The following BTBD9 variants were observed in gnomAD, a reference collection of about 807,000 sequenced individuals.
BTBD9 encodes BTB domain containing 9.
Under a neutral mutation model 64.3 loss-of-function variants are expected in BTBD9, and 49 were observed. That is an observed-to-expected ratio of 0.76 (90% CI 0.61 to 0.97). The LOEUF (loss-of-function observed/expected upper bound fraction) is 0.97, where lower values mean the gene tolerates loss of function less well. Among genes scored for constraint, BTBD9 ranks in the 50% least tolerant of loss-of-function variants. The pLI is 0.00. For missense variants in BTBD9, 598 were observed against 762.1 expected (o/e 0.78, Z 2.53); for synonymous variants, 260 against 274.7 (o/e 0.95, Z 0.53).
At position 38,391,912 on chromosome 6, in the gene BTBD9, T is replaced by C. The variant is rs145106053; in HGVS notation, c.1155-46819A>G. Among the ~76,000 whole-genome samples the C allele has an allele frequency of 4.5e-3, 685 of 152,342 alleles. 4 individuals carry two copies. Among genetic ancestry groups the C allele is most frequent in the African/African-American group, 0.016 (650 of 41,568 alleles). On this transcript the variant is annotated intron_variant, in intron 6 of 10. Transcript: ENST00000481247. ...AAAATCCACAAGAACTATTCATCAC[T>C]TGTGACACAGACCTGTTTTAACAGG...
At chr6:38,620,183 G>C (rs1777936392) in intron 1 of BTBD9, among the ~76,000 whole-genome samples, 1 of 152,212 alleles carries the variant, frequency 6.6e-6, no homozygotes, top group Non-Finnish European at 1.5e-5. Flanking sequence ...AATTCTAGGA[G>C]TACAAAAACC....
intron 6 of BTBD9, among the ~76,000 whole-genome samples, chr6:38,385,695 T>C (rs374153039): frequency 6.6e-6 from 1 of 152,116 alleles, no homozygotes; most frequent in Non-Finnish European, 1.5e-5. Flanking sequence ...GTAGATTGGC[T>C]AGATATCTTT....
intron 1 of BTBD9, among the ~76,000 whole-genome samples, chr6:38,615,294 C>T: frequency 6.6e-6 from 1 of 152,188 alleles, no homozygotes; most frequent in East Asian, 1.9e-4. Flanking sequence ...ACATTTCCAC[C>T]CTTACATGCC....
chr6:38,309,845 G>A (rs1762764367), intron 7 of BTBD9, among the ~76,000 whole-genome samples: 1 of 151,040 alleles, frequency 6.6e-6, no homozygotes, highest in Non-Finnish European at 1.5e-5. Flanking sequence ...TATAAAATTT[G>A]ATTTTTTCTA....
At chr6:38,222,731 G>A (rs73730910) in intron 9 of BTBD9, among the ~76,000 whole-genome samples, 2,334 of 152,154 alleles carry the variant, frequency 0.015, 66 homozygotes, top group African/African-American at 0.052. Context: ...GCCAGGGCAT[G>A]GGAACTATTT....
At chr6:38,490,539 C>T (rs1197762539) in intron 6 of BTBD9, among the ~76,000 whole-genome samples, 7 of 152,042 alleles carry the variant, frequency 4.6e-5, no homozygotes, top group African/African-American at 1.2e-4. Flanking sequence ...AGGCTGATCT[C>T]GAACTCCTGA....
At chr6:38,303,928 T>C (rs1046407175) in intron 7 of BTBD9, among the ~76,000 whole-genome samples, 6 of 138,912 alleles carry the variant, frequency 4.3e-5, no homozygotes, top group Admixed American at 2.2e-4. Flanking sequence ...TATATATATA[T>C]ACACGTGTGT....
rs1196000253 is a variant in BTBD9 at position 38,368,249 on chromosome 6, CT to C, written c.1155-23157del. Among the ~76,000 whole-genome samples the C allele has an allele frequency of 5.3e-5, 8 of 152,098 alleles. No homozygotes were observed. The South Asian group carries it at 1.0e-3, about 20-fold the overall frequency. On this transcript the variant is annotated intron_variant, in intron 6 of 10. Transcript: ENST00000481247. ...ACTTTATACATAAAAAAGAGGGAGA[CT>C]TTTTTCCCCCAAAACCAATTTCCAT...
intron 6 of BTBD9, among the ~76,000 whole-genome samples, chr6:38,454,668 T>C (rs924832527): frequency 3.3e-5 from 5 of 151,642 alleles, no homozygotes. Flanking sequence ...CATGGTGGTG[T>C]GTGCCTGTTG....
At chr6:38,208,093 G>A (rs555681222) in intron 9 of BTBD9, among the ~76,000 whole-genome samples, 1 of 152,282 alleles carries the variant, frequency 6.6e-6, no homozygotes, top group South Asian at 2.1e-4. Context: ...GCCTTTGGGA[G>A]CAGGGCTGGA....
At chr6:38,243,745 G>A (rs1764089206) in intron 9 of BTBD9, among the ~76,000 whole-genome samples, 1 of 152,146 alleles carries the variant, frequency 6.6e-6, no homozygotes, top group Admixed American at 6.5e-5. Flanking sequence ...TTTGAGACAA[G>A]TTGTGTTTGA....
At chr6:38,519,871 G>A (rs2127418576) in intron 6 of BTBD9, among the ~76,000 whole-genome samples, 1 of 152,290 alleles carries the variant, frequency 6.6e-6, no homozygotes, top group East Asian at 1.9e-4. Flanking sequence ...TACAACCAGA[G>A]TCTTGACTAA....
At chr6:38,535,536 C>T (rs372346708) in intron 6 of BTBD9, among the ~76,000 whole-genome samples, 3 of 151,956 alleles carry the variant, frequency 2.0e-5, no homozygotes, top group East Asian at 3.9e-4. Context: ...ATAAAAGACC[C>T]AGAAGAGCCA....
chr6:38,330,979 T>G (rs1763653377), intron 7 of BTBD9, among the ~76,000 whole-genome samples: 1 of 152,186 alleles, frequency 6.6e-6, no homozygotes, highest in South Asian at 2.1e-4. Flanking sequence ...TGTTTTTATA[T>G]TTTGAACTGG....
At chr6:38,393,411 T>A (rs1766525793) in intron 6 of BTBD9, among the ~76,000 whole-genome samples, 1 of 152,088 alleles carries the variant, frequency 6.6e-6, no homozygotes, top group Admixed American at 6.5e-5. Context: ...TAGAAACAAC[T>A]GAAACCACAA....
intron 7 of BTBD9, among the ~76,000 whole-genome samples, chr6:38,297,016 T>C (rs554719209): frequency 1.2e-4 from 19 of 152,322 alleles, no homozygotes; most frequent in Admixed American, 2.0e-4. Context: ...TAGATCAAAA[T>C]TGCCAATTGT....
At chr6:38,444,654 A>G (rs1387933953) in intron 6 of BTBD9, among the ~76,000 whole-genome samples, 1 of 152,162 alleles carries the variant, frequency 6.6e-6, no homozygotes, top group African/African-American at 2.4e-5. Flanking sequence ...CCACATCTAT[A>G]AAATGGGGAT....
chr6:38,588,270 C>A, intron 4 of BTBD9: 1 of 1,150,090 alleles, frequency 8.7e-7, no homozygotes. Flanking sequence ...CAACAACTGC[C>A]TGCTCAGCTG....
At chr6:38,492,448 G>C (rs1435165264) in intron 6 of BTBD9, among the ~76,000 whole-genome samples, 1 of 151,996 alleles carries the variant, frequency 6.6e-6, no homozygotes, top group African/African-American at 2.4e-5. Context: ...TGGAGGAAAG[G>C]GCTCTTTTCA....
Sources: gnomAD v4.1 joint callset for allele counts (sites outside exome capture counted in the v4.1 genomes callset) on GRCh38, gnomAD v4.1.1 for gene constraint, MANE v1.5 for transcripts, NCBI Gene and HGNC (gene_info 2026-07-23, HGNC 2026-07-21) for gene names.